The following PICALM variants were observed in gnomAD, a reference collection of about 807,000 sequenced individuals.
The protein encoded by PICALM is phosphatidylinositol-binding clathrin assembly protein.
PICALM carries 40 observed loss-of-function variants against 80.5 expected under a neutral mutation model. That is an observed-to-expected ratio of 0.50 (90% CI 0.39 to 0.65). The LOEUF (loss-of-function observed/expected upper bound fraction) is 0.65. Ranked by LOEUF, PICALM falls within the 30% of genes least tolerant of loss-of-function variation. The probability of loss-of-function intolerance (pLI) is 0.00; values close to 1 mark genes in which losing one functional copy is unlikely to be tolerated. For missense variants in PICALM, 676 were observed against 778.9 expected (o/e 0.87, Z 1.57); for synonymous variants, 288 against 260.3 (o/e 1.11, Z -1.02).
At chr11:85,966,222 C>A (rs538580601) in intron 19 of PICALM, among the ~76,000 whole-genome samples, 12 of 150,226 alleles carry the variant, frequency 8.0e-5, no homozygotes, top group African/African-American at 1.2e-4. Context: ...TTTTCCCCCC[C>A]CAAAGACAGG....
chr11:85,997,158 T>C (rs796642593), intron 11 of PICALM, among the ~76,000 whole-genome samples: 3 of 152,286 alleles, frequency 2.0e-5, no homozygotes, highest in African/African-American at 4.8e-5. Flanking sequence ...CAAAGAACAG[T>C]AGCTCTTCTG....
chr11:86,011,211 A>G, intron 6 of PICALM, 75 bp from the exon 7 acceptor site: 1 of 640,916 alleles, frequency 1.6e-6, no homozygotes, highest in Admixed American at 3.1e-5. Context: ...AAAAGTAGGT[A>G]ATAGCTCCAA....
chr11:86,033,268 T>TA (rs1421405521), intron 1 of PICALM, among the ~76,000 whole-genome samples: 2 of 99,734 alleles, frequency 2.0e-5, no homozygotes, highest in Non-Finnish European at 4.3e-5. Flanking sequence ...GCATGGTGCA[T>TA]GGTGTGTGTG....
chr11:86,032,097 T>C (rs1425684599), intron 1 of PICALM, among the ~76,000 whole-genome samples: 1 of 152,144 alleles, frequency 6.6e-6, no homozygotes, highest in Non-Finnish European at 1.5e-5. Flanking sequence ...AATGCTGTCT[T>C]TGCAACAGGA....
intron 12 of PICALM, among the ~76,000 whole-genome samples, chr11:85,995,747 T>G (rs1252038185): frequency 6.6e-6 from 1 of 152,160 alleles, no homozygotes; most frequent in Non-Finnish European, 1.5e-5. Context: ...AGAAAATAAT[T>G]AAGAATCCAA....
At chr11:85,965,908 C>T (rs2093877643) in intron 19 of PICALM, among the ~76,000 whole-genome samples, 1 of 149,364 alleles carries the variant, frequency 6.7e-6, no homozygotes, top group Non-Finnish European at 1.5e-5. Flanking sequence ...CCTTCGCCTC[C>T]CAGGTTTCAG....
chr11:86,001,871 T>C (rs1448143856), intron 9 of PICALM, among the ~76,000 whole-genome samples: 3 of 152,338 alleles, frequency 2.0e-5, no homozygotes, highest in East Asian at 3.9e-4. Flanking sequence ...CTAGGCTAAG[T>C]AAAACAAGTG....
In PICALM at chr11:85,998,671, G is replaced by A. The variant is rs547900662; in HGVS notation, c.1155-1742C>T. On this transcript the variant is annotated intron_variant, in intron 11 of 19. Coordinates refer to ENST00000393346, the MANE Select transcript of PICALM (RefSeq NM_007166.4). ...AGTGCGCCTGTAGTCCCAGCTACTC[G>A]GGAAGCTAAGGCAGAGGGAATGCTT... Among the ~76,000 whole-genome samples, 37 of 152,200 alleles carry A rather than the reference G, an allele frequency of 2.4e-4. No individual in the cohort carries two copies. The South Asian group carries it at 6.2e-3, about 26-fold the overall frequency.
In PICALM at chr11:85,957,972, T is replaced by A; in HGVS notation, c.*1074A>T. Reference sequence around the variant, plus strand: ...ACTATTTCCCCTTATTTAAAAGGTATATGATCATAACATGGCACGAGCCAA... The same window carrying A: ...ACTATTTCCCCTTATTTAAAAGGTAAATGATCATAACATGGCACGAGCCAA... On this transcript the variant is annotated 3_prime_UTR_variant, in exon 20 of 20. Transcript: ENST00000393346. The A allele has an allele frequency of 4.4e-6, 1 of 224,862 alleles. No homozygotes were observed. Among genetic ancestry groups the A allele is most frequent in the South Asian group, 1.8e-4 (1 of 5,454 alleles). The allele number at this position is 224,862 out of a possible 1,614,324, so 13.9% of individuals were successfully genotyped here. A position where few individuals can be genotyped will look rare whatever the true frequency, so the allele number is the denominator to read the frequency against.
At chr11:85,972,391 T>C (rs575998575) in intron 19 of PICALM, among the ~76,000 whole-genome samples, 1 of 152,282 alleles carries the variant, frequency 6.6e-6, no homozygotes, top group African/African-American at 2.4e-5. Context: ...GGACTAGGAA[T>C]CAGACACACC....
chr11:86,038,365 T>C (rs1344893179), intron 1 of PICALM, among the ~76,000 whole-genome samples: 3 of 151,654 alleles, frequency 2.0e-5, no homozygotes, highest in East Asian at 2.0e-4. Context: ...AAGAGTTGCA[T>C]GGTAAAGTAC....
chr11:85,974,862 G>A lies in PICALM; in HGVS notation c.1840-50C>T, dbSNP rs188323870. 249 of 1,222,914 alleles carry A rather than the reference G, an allele frequency of 2.0e-4. No individual in the cohort carries two copies. The East Asian group carries it at 5.3e-3, about 26-fold the overall frequency. 75.8% of individuals were successfully genotyped at this position (1,222,914 alleles called of 1,614,324 possible). A position where few individuals can be genotyped will look rare whatever the true frequency, so the allele number is the denominator to read the frequency against. On this transcript the variant is annotated intron_variant, in intron 18 of 19. Transcript: ENST00000393346. ...GATACTGACTCCTATCTTCCTTATT[G>A]TGACTAAGTAAATAACAATGACAAC...
At chr11:85,976,807 T>C in intron 17 of PICALM, 125 bp from the exon 18 acceptor site, 3 of 625,374 alleles carry the variant, frequency 4.8e-6, no homozygotes, top group Non-Finnish European at 8.8e-6. Context: ...AAGTGACACT[T>C]GTGATCATTA....
At chr11:86,000,599 T>G (rs747183391) in intron 11 of PICALM, 44 bp downstream of exon 11, 5 of 1,545,216 alleles carry the variant, frequency 3.2e-6, no homozygotes, top group Non-Finnish European at 3.5e-6. Flanking sequence ...ATTAGAAGTC[T>G]TTGAACCTAC....
chr11:86,032,331 T>C (rs10501605), intron 1 of PICALM, among the ~76,000 whole-genome samples: 23,987 of 152,020 alleles, frequency 0.16, 2,448 homozygotes, highest in Middle Eastern at 0.24. Flanking sequence ...ATGAAGAAAA[T>C]GTAAAATAGG....
chr11:86,037,166 AATCTCTTG>A (rs1407794266), intron 1 of PICALM, among the ~76,000 whole-genome samples: 1 of 149,744 alleles, frequency 6.7e-6, no homozygotes, highest in Non-Finnish European at 1.5e-5. Flanking sequence ...GGATGGTCTC[AATCTCTTG>A]ATCTCGTGAT....
rs367635542 is a variant in PICALM, at chr11:85,983,944, G to A, written c.1438C>T (p.His480Tyr). ...GFTPSPVAQPHPSAGLNVDFE... is the reference protein window; with the variant it reads ...GFTPSPVAQPYPSAGLNVDFE... Reference sequence around the variant, plus strand: ...TCAACATTAAGGCCAGCTGAAGGGTGTGGCTGTGCAACTGGAGAAGGAGTG... The same window carrying A: ...TCAACATTAAGGCCAGCTGAAGGGTATGGCTGTGCAACTGGAGAAGGAGTG... The change falls in exon 14 of 20, where the codon CAC (histidine) becomes TAC (tyrosine). Residue 480 changes from histidine to tyrosine, a missense_variant. His to Tyr is a moderately conservative substitution (Grantham distance 83). Transcript: ENST00000393346. 12 of 1,599,470 alleles carry A rather than the reference G, an allele frequency of 7.5e-6. No individual in the cohort carries two copies. The highest frequency in any genetic ancestry group is 1.1e-5 in the South Asian group (1 of 89,960).
chr11:86,006,344 G>C (rs1324457759), intron 8 of PICALM, among the ~76,000 whole-genome samples: 1 of 152,114 alleles, frequency 6.6e-6, no homozygotes, highest in Non-Finnish European at 1.5e-5. Flanking sequence ...CTGTTAACAA[G>C]GCGTTTAAAA....
intron 1 of PICALM, among the ~76,000 whole-genome samples, chr11:86,032,670 G>C (rs376052711): frequency 6.0e-4 from 92 of 152,218 alleles, no homozygotes; most frequent in African/African-American, 2.0e-3. Flanking sequence ...AGATATAACA[G>C]AGGAGAAAAC....
Sources: gnomAD v4.1 joint callset for allele counts (sites outside exome capture counted in the v4.1 genomes callset) on GRCh38, gnomAD v4.1.1 for gene constraint, MANE v1.5 for transcripts, NCBI Gene and HGNC (gene_info 2026-07-23, HGNC 2026-07-21) for gene names.